LDB2: variants seen among roughly 807,000 people sequenced by gnomAD.
LDB2 encodes LIM domain-binding protein 2.
In LDB2, 12 loss-of-function variants were observed where a neutral mutation model predicts 44.3. The ratio of observed to expected loss-of-function variants is 0.27; its 90% CI spans 0.17 to 0.44. The LOEUF (loss-of-function observed/expected upper bound fraction) is 0.44. Ranked by LOEUF, LDB2 falls within the 20% of genes least tolerant of loss-of-function variation. LDB2 has a pLI of 1.00. For missense variants in LDB2, 344 were observed against 473.5 expected, an observed-to-expected ratio of 0.73 and a Z score of 2.54; for synonymous variants, 164 against 174.8, an observed-to-expected ratio of 0.94 and a Z score of 0.49.
intron 3 of LDB2, among the ~76,000 whole-genome samples, chr4:16,594,089 ATT>A (rs34484077): frequency 4.7e-4 from 71 of 149,704 alleles, no homozygotes; most frequent in Admixed American, 1.1e-3. Flanking sequence ...ATTATCATGG[ATT>A]TTTTTTTTCC....
intron 5 of LDB2, among the ~76,000 whole-genome samples, chr4:16,542,024 C>A (rs927904418): frequency 6.0e-5 from 9 of 149,690 alleles, no homozygotes; most frequent in Admixed American, 2.7e-4. Context: ...TCTCCTGTTT[C>A]CCAGATGCCC....
At chr4:16,623,363 C>T (rs139972394) in intron 2 of LDB2, among the ~76,000 whole-genome samples, 2,199 of 152,208 alleles carry the variant, frequency 0.014, 31 homozygotes, top group South Asian at 0.046. Context: ...TTTGAGAGAC[C>T]GAGGCGGGCG....
intron 1 of LDB2, among the ~76,000 whole-genome samples, chr4:16,837,875 T>C (rs1015553413): frequency 2.0e-5 from 3 of 152,230 alleles, no homozygotes; most frequent in African/African-American, 7.2e-5. Context: ...AGGTTTGAAC[T>C]TTACAGCACT....
chr4:16,732,111 C>A (rs2108928237), intron 2 of LDB2, among the ~76,000 whole-genome samples: 1 of 152,268 alleles, frequency 6.6e-6, no homozygotes, highest in African/African-American at 2.4e-5. Flanking sequence ...TGGATTTGAA[C>A]CTGCTGCACA....
At chr4:16,545,742 G>T (rs1157840412) in intron 5 of LDB2, among the ~76,000 whole-genome samples, 1 of 152,160 alleles carries the variant, frequency 6.6e-6, no homozygotes, top group Non-Finnish European at 1.5e-5. Context: ...AAATAAAATA[G>T]CTAATGAGAA....
At chr4:16,839,718 A>G (rs1038952185) in intron 1 of LDB2, among the ~76,000 whole-genome samples, 1 of 152,192 alleles carries the variant, frequency 6.6e-6, no homozygotes, top group African/African-American at 2.4e-5. Context: ...TCCATGTAGG[A>G]AGTCTTAAAC....
chr4:16,574,893 C>T (rs985090737), intron 5 of LDB2, among the ~76,000 whole-genome samples: 5 of 152,124 alleles, frequency 3.3e-5, no homozygotes, highest in Admixed American at 6.5e-5. Context: ...AGGTTATTGT[C>T]GGTAGTAAGG....
intron 2 of LDB2, among the ~76,000 whole-genome samples, chr4:16,666,757 C>A (rs1256496337): frequency 6.6e-6 from 1 of 152,172 alleles, no homozygotes; most frequent in Non-Finnish European, 1.5e-5. Flanking sequence ...ATTTGAATGA[C>A]AACAAATTGG....
chr4:16,556,256 T>A (rs1199450880), intron 5 of LDB2, among the ~76,000 whole-genome samples: 2 of 152,244 alleles, frequency 1.3e-5, no homozygotes, highest in African/African-American at 4.8e-5. Context: ...TTTGCATATG[T>A]TTATATTTCT....
intron 1 of LDB2, among the ~76,000 whole-genome samples, chr4:16,816,855 T>A (rs1389572121): frequency 9.2e-5 from 14 of 152,178 alleles, no homozygotes; most frequent in Non-Finnish European, 2.9e-5. Flanking sequence ...ATTTCCCATT[T>A]CTCTCTCTAG....
At chr4:16,746,703 C>A (rs1251963019) in intron 2 of LDB2, among the ~76,000 whole-genome samples, 1 of 152,212 alleles carries the variant, frequency 6.6e-6, no homozygotes, top group Non-Finnish European at 1.5e-5. Flanking sequence ...AGGAGAATCA[C>A]TTGAACCCAG....
chr4:16,832,672 G>A (rs1784267398), intron 1 of LDB2, among the ~76,000 whole-genome samples: 1 of 152,148 alleles, frequency 6.6e-6, no homozygotes, highest in African/African-American at 2.4e-5. Context: ...TAAGTAACTG[G>A]CTTAGAATTT....
At chr4:16,739,195 T>C (rs539881830) in intron 2 of LDB2, among the ~76,000 whole-genome samples, 21 of 152,162 alleles carry the variant, frequency 1.4e-4, no homozygotes, top group Admixed American at 1.3e-3. Flanking sequence ...CTTTTGATGA[T>C]ATAAGTATTT....
At chr4:16,539,962 A>G (rs1733187352) in intron 5 of LDB2, among the ~76,000 whole-genome samples, 1 of 152,186 alleles carries the variant, frequency 6.6e-6, no homozygotes, top group Admixed American at 6.5e-5. Context: ...ATTGATTAAC[A>G]GTTCTTCAGG....
At chr4:16,684,875 T>C (rs2152572041) in intron 2 of LDB2, among the ~76,000 whole-genome samples, 1 of 152,362 alleles carries the variant, frequency 6.6e-6, no homozygotes, top group East Asian at 1.9e-4. Context: ...TGAGCCATAT[T>C]GTCTCTTTTA....
At chr4:16,654,611 G>C (rs940641433) in intron 2 of LDB2, among the ~76,000 whole-genome samples, 1 of 152,198 alleles carries the variant, frequency 6.6e-6, no homozygotes, top group Admixed American at 6.5e-5. Context: ...GGAAAATTTA[G>C]CCAACCAAAG....
At chr4:16,786,562 T>A (rs1176891886) in intron 1 of LDB2, among the ~76,000 whole-genome samples, 3 of 152,166 alleles carry the variant, frequency 2.0e-5, no homozygotes, top group Non-Finnish European at 4.4e-5. Flanking sequence ...TCAGTTTTCC[T>A]GTATCTGAAT....
chr4:16,733,443 T>C (rs1232095664), intron 2 of LDB2, among the ~76,000 whole-genome samples: 2 of 152,206 alleles, frequency 1.3e-5, no homozygotes, highest in East Asian at 3.9e-4. Context: ...GTCTGAAAGT[T>C]CTTGACCAAA....
chr4:16,871,159 C>T (rs1167729557), intron 1 of LDB2, among the ~76,000 whole-genome samples: 4 of 152,164 alleles, frequency 2.6e-5, no homozygotes, highest in Admixed American at 2.6e-4. Context: ...TATTTTGCTA[C>T]ATGTTACTAT....
Sources: allele counts gnomAD v4.1 joint callset (sites outside exome capture counted in the v4.1 genomes callset), GRCh38; gene constraint gnomAD v4.1.1; transcripts MANE v1.5; gene names NCBI Gene and HGNC (gene_info 2026-07-23, HGNC 2026-07-21).